The following TTC28 variants were observed in gnomAD, a reference collection of about 807,000 sequenced individuals.
TTC28 encodes tetratricopeptide repeat domain 28.
Under a neutral mutation model 198.0 loss-of-function variants are expected in TTC28, and 61 were observed. That is an observed-to-expected ratio of 0.31 (90% CI 0.25 to 0.38). The LOEUF (loss-of-function observed/expected upper bound fraction) is 0.38, where lower values mean the gene tolerates loss of function less well. TTC28 is among the 10% of genes least tolerant of loss of function. The probability of loss-of-function intolerance (pLI) is 1.00; values close to 1 mark genes in which losing one functional copy is unlikely to be tolerated. For missense variants in TTC28, 2,678 were observed against 3,164.0 expected, an observed-to-expected ratio of 0.85 and a Z score of 3.69; for synonymous variants, 1,171 against 1,297.8, an observed-to-expected ratio of 0.90 and a Z score of 2.10.
chr22:28,510,245 T>C (rs998602717), intron 2 of TTC28, among the ~76,000 whole-genome samples: 2 of 152,126 alleles, frequency 1.3e-5, no homozygotes, highest in African/African-American at 4.8e-5. Context: ...AATATCCTGA[T>C]GAACATCAAT....
At chr22:28,422,727 G>A in intron 2 of TTC28, among the ~76,000 whole-genome samples, 1 of 152,024 alleles carries the variant, frequency 6.6e-6, no homozygotes, top group Admixed American at 6.6e-5. Context: ...TTACAGGCGT[G>A]AGCCACCGCA....
chr22:27,989,112 T>G (rs932136253), intron 21 of TTC28, among the ~76,000 whole-genome samples: 1 of 152,202 alleles, frequency 6.6e-6, no homozygotes, highest in African/African-American at 2.4e-5. Flanking sequence ...CAGCCTCTTG[T>G]GTTCTATCAA....
chr22:28,150,440 C>G (rs1218255993), intron 6 of TTC28, among the ~76,000 whole-genome samples: 1 of 152,118 alleles, frequency 6.6e-6, no homozygotes, highest in Admixed American at 6.5e-5. Flanking sequence ...GATTCTGATG[C>G]TCTATATTTT....
chr22:28,678,068 T>C (rs191212920), intron 1 of TTC28, among the ~76,000 whole-genome samples: 251 of 152,310 alleles, frequency 1.6e-3, no homozygotes, highest in Admixed American at 3.7e-3. Context: ...TTGTCATAAA[T>C]GTAGATATTT....
At chr22:27,987,373 G>A (rs1937247209) in intron 21 of TTC28, among the ~76,000 whole-genome samples, 1 of 152,170 alleles carries the variant, frequency 6.6e-6, no homozygotes, top group Non-Finnish European at 1.5e-5. Flanking sequence ...GAGGAAGCCT[G>A]GCTCCACCAC....
At chr22:28,394,507 A>T (rs2046784361) in intron 2 of TTC28, among the ~76,000 whole-genome samples, 1 of 152,206 alleles carries the variant, frequency 6.6e-6, no homozygotes, top group Non-Finnish European at 1.5e-5. Flanking sequence ...GTTTCCATTC[A>T]TCACACCAAA....
intron 10 of TTC28, among the ~76,000 whole-genome samples, chr22:28,098,643 T>C (rs996083067): frequency 3.3e-5 from 5 of 152,106 alleles, no homozygotes; most frequent in Admixed American, 2.0e-4. Flanking sequence ...CTGACTTATG[T>C]CTCTCCACAA....
At chr22:28,383,870 C>G (rs1160225145) in intron 2 of TTC28, among the ~76,000 whole-genome samples, 1 of 152,228 alleles carries the variant, frequency 6.6e-6, no homozygotes, top group Non-Finnish European at 1.5e-5. Context: ...CATGTCAACA[C>G]TTTGCTCAAA....
chr22:28,231,133 G>A (rs576015828), intron 5 of TTC28, among the ~76,000 whole-genome samples: 8 of 152,204 alleles, frequency 5.3e-5, no homozygotes, highest in South Asian at 4.2e-4. Context: ...TATCTAGCAC[G>A]TATAGGTACT....
At chr22:28,068,374 C>T (rs1474130538) in intron 12 of TTC28, among the ~76,000 whole-genome samples, 1 of 151,990 alleles carries the variant, frequency 6.6e-6, no homozygotes, top group African/African-American at 2.4e-5. Context: ...AAAGGACTAC[C>T]GTAAGAATTA....
chr22:28,218,493 CTCAT>C (rs1447617320), intron 5 of TTC28, among the ~76,000 whole-genome samples: 1 of 151,924 alleles, frequency 6.6e-6, no homozygotes, highest in African/African-American at 2.4e-5. Context: ...GTTTTTTTCA[CTCAT>C]TCAGTTTTGA....
intron 2 of TTC28, among the ~76,000 whole-genome samples, chr22:28,398,908 C>T (rs1296862036): frequency 4.0e-5 from 6 of 151,864 alleles, no homozygotes; most frequent in Non-Finnish European, 7.4e-5. Context: ...CTTCTTGTTA[C>T]TTCAATTTAA....
chr22:28,109,949 A>G (rs1333636008), intron 6 of TTC28, among the ~76,000 whole-genome samples: 1 of 152,210 alleles, frequency 6.6e-6, no homozygotes, highest in African/African-American at 2.4e-5. Flanking sequence ...AGCCTCCCCA[A>G]TTTGTGTATC....
rs562415285 is a variant in TTC28 at position 27,981,385 on chromosome 22, A to G, written c.*836T>C. On this transcript the variant is annotated 3_prime_UTR_variant, in exon 23 of 23. Coordinates refer to ENST00000397906, the MANE Select transcript of TTC28 (RefSeq NM_001145418.2). ...TTTTGAGCTTTTAAAAATAATAGCT[A>G]TAAATGCAAAGTACTATTGATAATA... 5.9e-5 allele frequency: 9 copies of G among 152,020 alleles called. No homozygotes were observed. The highest frequency in any genetic ancestry group is 1.3e-4 in the Admixed American group (2 of 15,260). 9.4% of individuals were successfully genotyped at this position (152,020 alleles called of 1,614,324 possible).
intron 5 of TTC28, among the ~76,000 whole-genome samples, chr22:28,206,563 T>C (rs1264661530): frequency 1.3e-5 from 2 of 152,188 alleles, no homozygotes; most frequent in Non-Finnish European, 1.5e-5. Flanking sequence ...TTTGCTGATA[T>C]ACAAATCTGG....
chr22:28,448,711 T>G (rs1004395169), intron 2 of TTC28, among the ~76,000 whole-genome samples: 1 of 152,190 alleles, frequency 6.6e-6, no homozygotes, highest in African/African-American at 2.4e-5. Context: ...AATAACTTGT[T>G]GCAGGAAGAA....
chr22:28,325,077 T>A (rs134483), intron 2 of TTC28, among the ~76,000 whole-genome samples: 129,567 of 150,500 alleles, frequency 0.86, 56,057 homozygotes, highest in East Asian at 0.99. Flanking sequence ...GTACTCTGGT[T>A]GAATTCGGCT....
At position 28,490,902 on chromosome 22, in the gene TTC28, A is replaced by G. The variant is rs182458359; in HGVS notation, c.381+138650T>C. ...TACCATTATATACTATGCACTTAAA[A>G]AATTCCTCTGATATCACTAGAAATG... On this transcript the variant is annotated intron_variant, in intron 2 of 22. Coordinates refer to ENST00000397906, the MANE Select transcript of TTC28 (RefSeq NM_001145418.2). Among the ~76,000 whole-genome samples the G allele has an allele frequency of 2.6e-5, 4 of 152,342 alleles. No homozygotes were observed. The East Asian group carries it at 7.7e-4, about 29-fold the overall frequency.
chr22:28,063,928 A>G (rs1274096064), intron 12 of TTC28, among the ~76,000 whole-genome samples: 1 of 152,152 alleles, frequency 6.6e-6, no homozygotes, highest in East Asian at 1.9e-4. Flanking sequence ...AAATTAGTCA[A>G]TGAAGGTTTA....
Sources: gnomAD v4.1 joint callset for allele counts (sites outside exome capture counted in the v4.1 genomes callset) on GRCh38, gnomAD v4.1.1 for gene constraint, MANE v1.5 for transcripts, NCBI Gene and HGNC (gene_info 2026-07-23, HGNC 2026-07-21) for gene names.